LRP1B: variants seen among roughly 807,000 people sequenced by gnomAD.
LRP1B encodes the protein low-density lipoprotein receptor-related protein 1B.
Under a neutral mutation model 556.6 loss-of-function variants are expected in LRP1B, and 217 were observed. That is an observed-to-expected ratio of 0.39 (90% CI 0.35 to 0.44). The LOEUF is 0.44. LRP1B is among the 20% of genes least tolerant of loss of function. LRP1B has a pLI of 1.00. For missense variants in LRP1B, 5,053 were observed against 5,620.8 expected, an observed-to-expected ratio of 0.90 and a Z score of 3.23; for synonymous variants, 2,047 against 1,865.8, an observed-to-expected ratio of 1.10 and a Z score of -2.50.
At chr2:141,058,229 T>A (rs1179796367) in intron 9 of LRP1B, among the ~76,000 whole-genome samples, 3 of 151,884 alleles carry the variant, frequency 2.0e-5, no homozygotes, top group Non-Finnish European at 4.4e-5. Flanking sequence ...CAGCCGTGAT[T>A]AGATATATGT....
rs528180333 is a variant in LRP1B, at chr2:141,621,512, G to C, written c.206-140979C>G. Reference sequence around the variant, plus strand: ...ATTTTCTAGATGTGAATGAAATTACGATATATTCCCTTAAACTACACGTAA... The same window carrying C: ...ATTTTCTAGATGTGAATGAAATTACCATATATTCCCTTAAACTACACGTAA... On this transcript the variant is annotated intron_variant, in intron 2 of 90. Transcript: ENST00000389484. Among the ~76,000 whole-genome samples, 9 of 152,250 alleles carry C rather than the reference G, an allele frequency of 5.9e-5. No homozygotes were observed. In the South Asian group the frequency reaches 1.9e-3, roughly 32 times the overall value.
At chr2:140,628,186 G>C (rs1332912255) in intron 41 of LRP1B, among the ~76,000 whole-genome samples, 2 of 152,124 alleles carry the variant, frequency 1.3e-5, no homozygotes, top group Non-Finnish European at 2.9e-5. Context: ...CAGAGAGACA[G>C]AGAAAGAGAA....
intron 20 of LRP1B, among the ~76,000 whole-genome samples, chr2:140,926,060 T>TC (rs58070533): frequency 0.58 from 85,659 of 146,720 alleles, 26,636 homozygotes; most frequent in Non-Finnish European, 0.68. Context: ...GATTTTCTTT[T>TC]TTTTTTTTTT....
At chr2:141,670,494 G>A (rs1353752803) in intron 2 of LRP1B, among the ~76,000 whole-genome samples, 2 of 152,120 alleles carry the variant, frequency 1.3e-5, no homozygotes, top group Non-Finnish European at 2.9e-5. Context: ...CTTGACTTAG[G>A]CTATGGGCAA....
chr2:141,721,081 A>G (rs1294141079), intron 2 of LRP1B, among the ~76,000 whole-genome samples: 1 of 152,134 alleles, frequency 6.6e-6, no homozygotes, highest in Non-Finnish European at 1.5e-5. Context: ...AACCTATTCA[A>G]TAATACATAT....
intron 23 of LRP1B, among the ~76,000 whole-genome samples, chr2:140,900,938 T>C (rs540837157): frequency 5.6e-4 from 86 of 152,306 alleles, no homozygotes; most frequent in African/African-American, 1.9e-3. Context: ...ATAGTCTAAG[T>C]GAAAGAAACA....
chr2:140,591,069 T>A (rs2105166288), intron 43 of LRP1B, among the ~76,000 whole-genome samples: 1 of 152,338 alleles, frequency 6.6e-6, no homozygotes, highest in African/African-American at 2.4e-5. Flanking sequence ...TAGAAAGTTA[T>A]TAAGGTCTGA....
intron 3 of LRP1B, among the ~76,000 whole-genome samples, chr2:141,279,107 A>C (rs959083330): frequency 6.6e-6 from 1 of 152,144 alleles, no homozygotes; most frequent in African/African-American, 2.4e-5. Flanking sequence ...TTTTGTAAAT[A>C]AATAGGACAT....
chr2:140,262,712 G>A (rs112724352), intron 86 of LRP1B, among the ~76,000 whole-genome samples: 1 of 152,016 alleles, frequency 6.6e-6, no homozygotes, highest in Non-Finnish European at 1.5e-5. Flanking sequence ...ACTTCTAAAG[G>A]GGGGGAGTCC....
chr2:142,003,458 G>A (rs1000862741), intron 1 of LRP1B, among the ~76,000 whole-genome samples: 1 of 152,148 alleles, frequency 6.6e-6, no homozygotes, highest in African/African-American at 2.4e-5. Context: ...AGTGGACATA[G>A]CTCTATTTCA....
At chr2:141,015,322 A>G (rs2105388243) in intron 13 of LRP1B, among the ~76,000 whole-genome samples, 1 of 152,254 alleles carries the variant, frequency 6.6e-6, no homozygotes, top group Non-Finnish European at 1.5e-5. Flanking sequence ...CAATGTAATT[A>G]CTTCCTCGTA....
intron 11 of LRP1B, among the ~76,000 whole-genome samples, chr2:141,036,846 G>A (rs1698547850): frequency 1.3e-5 from 2 of 151,586 alleles, no homozygotes; most frequent in Admixed American, 1.3e-4. Flanking sequence ...ACACAAAATT[G>A]TATATTGATA....
intron 29 of LRP1B, among the ~76,000 whole-genome samples, chr2:140,847,903 T>C (rs1417329742): frequency 6.6e-6 from 1 of 152,214 alleles, no homozygotes; most frequent in Non-Finnish European, 1.5e-5. Context: ...TTGATAATTG[T>C]GAATAGAGTC....
intron 17 of LRP1B, among the ~76,000 whole-genome samples, chr2:140,986,320 T>C (rs890491638): frequency 6.6e-6 from 1 of 152,112 alleles, no homozygotes; most frequent in Non-Finnish European, 1.5e-5. Context: ...CAATGAAAAT[T>C]TTTATTCACA....
chr2:141,098,037 C>T (rs1371198878), intron 7 of LRP1B, among the ~76,000 whole-genome samples: 1 of 152,096 alleles, frequency 6.6e-6, no homozygotes, highest in Admixed American at 6.6e-5. Flanking sequence ...CTTCCTTTCT[C>T]CAACCTTGAA....
chr2:141,146,792 A>AT (rs1199677824), intron 7 of LRP1B, among the ~76,000 whole-genome samples: 2 of 152,058 alleles, frequency 1.3e-5, no homozygotes, highest in African/African-American at 4.8e-5. Flanking sequence ...TTTTCCTGCT[A>AT]TTTTTTACTT....
intron 6 of LRP1B, among the ~76,000 whole-genome samples, chr2:141,225,919 G>T (rs1683227551): frequency 6.6e-6 from 1 of 151,972 alleles, no homozygotes; most frequent in South Asian, 2.1e-4. Flanking sequence ...TCGTATAACT[G>T]TCTCCCACTT....
At position 140,769,355 on chromosome 2, in the gene LRP1B, G is replaced by A. The variant is rs1478418305; in HGVS notation, c.5627-11C>T. Reference sequence around the variant, plus strand: ...GAAATGATTCTATACCTAAATGCAGGGCCGGAGATAAGGGGGGGAAGGGAA... The same window carrying A: ...GAAATGATTCTATACCTAAATGCAGAGCCGGAGATAAGGGGGGGAAGGGAA... On this transcript the variant is annotated splice_polypyrimidine_tract_variant and intron_variant, in intron 34 of 90. Transcript: ENST00000389484. 1 of 1,588,982 alleles carries A rather than the reference G, an allele frequency of 6.3e-7. No individual in the cohort carries two copies. Among genetic ancestry groups the A allele is most frequent in the Non-Finnish European group, 8.6e-7 (1 of 1,168,534 alleles).
At chr2:140,709,022 C>T (rs958860069) in intron 37 of LRP1B, among the ~76,000 whole-genome samples, 1 of 151,992 alleles carries the variant, frequency 6.6e-6, no homozygotes, top group African/African-American at 2.4e-5. Flanking sequence ...AGGTGTTAAA[C>T]TGTCAACCAA....
Sources: allele counts gnomAD v4.1 joint callset (sites outside exome capture counted in the v4.1 genomes callset), GRCh38; gene constraint gnomAD v4.1.1; transcripts MANE v1.5; gene names NCBI Gene and HGNC (gene_info 2026-07-23, HGNC 2026-07-21).